Variants in PAPPA2 observed in about 807,000 individuals in gnomAD.
The protein encoded by PAPPA2 is pappalysin 2.
Under a neutral mutation model 176.4 loss-of-function variants are expected in PAPPA2, and 86 were observed. The observed-to-expected ratio is 0.49, with a 90% CI of 0.41 to 0.58. The LOEUF is 0.58. Among genes scored for constraint, PAPPA2 ranks in the 20% least tolerant of loss-of-function variants. The pLI, the probability that PAPPA2 is intolerant of heterozygous loss-of-function variation, is 0.00. For missense variants in PAPPA2, 2,073 were observed against 2,256.9 expected (o/e 0.92, Z 1.65); for synonymous variants, 809 against 852.2 (o/e 0.95, Z 0.88).
At chr1:176,471,677 C>A (rs1387146515) in intron 1 of PAPPA2, among the ~76,000 whole-genome samples, 1 of 152,170 alleles carries the variant, frequency 6.6e-6, no homozygotes, top group Non-Finnish European at 1.5e-5. Flanking sequence ...GTTTTACCAC[C>A]CAAATGACAT....
At chr1:176,687,339 G>T (rs920965470) in intron 4 of PAPPA2, among the ~76,000 whole-genome samples, 2 of 152,270 alleles carry the variant, frequency 1.3e-5, no homozygotes, top group African/African-American at 4.8e-5. Context: ...GAGGGGATTT[G>T]CTGGGAGTGT....
intron 4 of PAPPA2, among the ~76,000 whole-genome samples, chr1:176,674,745 T>C (rs560980232): frequency 1.3e-5 from 2 of 151,810 alleles, no homozygotes; most frequent in Non-Finnish European, 2.9e-5. Context: ...TTTTTTTTTT[T>C]TTTTCTTTTC....
intron 1 of PAPPA2, among the ~76,000 whole-genome samples, chr1:176,491,605 A>G (rs1351318184): frequency 6.6e-6 from 1 of 152,222 alleles, no homozygotes; most frequent in Non-Finnish European, 1.5e-5. Context: ...AAAGGAAGTT[A>G]TTTGAATTGA....
chr1:176,722,419 CTTTTTTTTTTTTT>C (rs34221424), intron 12 of PAPPA2, among the ~76,000 whole-genome samples: 1 of 124,032 alleles, frequency 8.1e-6, no homozygotes, highest in Non-Finnish European at 1.7e-5. Context: ...TATACATTTC[CTTTTTTTTTTTTT>C]TTTTTTTAGT....
intron 14 of PAPPA2, among the ~76,000 whole-genome samples, chr1:176,760,657 C>T (rs879274017): frequency 2.6e-5 from 4 of 152,152 alleles, no homozygotes; most frequent in Admixed American, 2.0e-4. Context: ...CATTCACATA[C>T]ACAACCAACA....
chr1:176,639,808 A>T (rs1656961903), intron 3 of PAPPA2, among the ~76,000 whole-genome samples: 1 of 151,614 alleles, frequency 6.6e-6, no homozygotes, highest in Admixed American at 6.6e-5. Context: ...TCCGGGAGGA[A>T]TGCTGGGTTA....
intron 3 of PAPPA2, among the ~76,000 whole-genome samples, chr1:176,624,480 C>T (rs896078346): frequency 6.6e-6 from 1 of 152,144 alleles, no homozygotes; most frequent in Non-Finnish European, 1.5e-5. Flanking sequence ...TAAATGCATG[C>T]CGATTTTGTC....
chr1:176,794,134 C>G (rs934032722), intron 20 of PAPPA2, among the ~76,000 whole-genome samples: 1 of 152,162 alleles, frequency 6.6e-6, no homozygotes, highest in African/African-American at 2.4e-5. Flanking sequence ...CTTTGTATTC[C>G]TGCCTGACTT....
At chr1:176,524,236 G>A (rs913067945) in intron 1 of PAPPA2, among the ~76,000 whole-genome samples, 6 of 151,854 alleles carry the variant, frequency 4.0e-5, no homozygotes, top group African/African-American at 1.2e-4. Flanking sequence ...AGCCATATAC[G>A]CTGCAGAGTG....
chr1:176,624,600 C>G (rs1456871758), intron 3 of PAPPA2, among the ~76,000 whole-genome samples: 1 of 152,146 alleles, frequency 6.6e-6, no homozygotes, highest in Non-Finnish European at 1.5e-5. Context: ...CCAAACACAT[C>G]AAGCTTCTTC....
chr1:176,513,770 A>G (rs551921997), intron 1 of PAPPA2, among the ~76,000 whole-genome samples: 2 of 152,306 alleles, frequency 1.3e-5, no homozygotes, highest in South Asian at 2.1e-4. Context: ...TCTCATTTAT[A>G]TACTACATCC....
At chr1:176,690,877 T>A (rs1660090637) in intron 5 of PAPPA2, 1 of 987,376 alleles carries the variant, frequency 1.0e-6, no homozygotes. Flanking sequence ...GTGGCTTGGT[T>A]AATTTAGGCT....
chr1:176,619,640 C>T (rs1438566892), intron 3 of PAPPA2, among the ~76,000 whole-genome samples: 1 of 152,174 alleles, frequency 6.6e-6, no homozygotes, highest in African/African-American at 2.4e-5. Flanking sequence ...ATTATTAAAT[C>T]TCTGAACAAG....
intron 17 of PAPPA2, among the ~76,000 whole-genome samples, chr1:176,778,624 A>G (rs1664566559): frequency 1.3e-5 from 2 of 152,208 alleles, no homozygotes. Context: ...TAATCTACCT[A>G]ATTGTTAAGC....
Position 176,488,258 on chromosome 1 carries a change from T to C in PAPPA2, c.-917+24840T>C, listed in dbSNP as rs533134201. ...TAAGTCATTACTCTTATGGATGTTA[T>C]AGCTTTATCCAATAATATATGAATT... On this transcript the variant is annotated intron_variant, in intron 1 of 22. Coordinates refer to ENST00000367662, the MANE Select transcript of PAPPA2 (RefSeq NM_020318.3). Among the ~76,000 whole-genome samples, 6 of 152,278 alleles carry C rather than the reference T, an allele frequency of 3.9e-5. No individual in the cohort carries two copies. In the East Asian group the frequency reaches 1.2e-3, roughly 29 times the overall value.
chr1:176,591,084 T>C (rs930023321), intron 2 of PAPPA2, among the ~76,000 whole-genome samples: 1 of 99,084 alleles, frequency 1.0e-5, no homozygotes, highest in Non-Finnish European at 2.1e-5. Context: ...GTCACACACA[T>C]GCACACACAC....
chr1:176,725,383 C>T (rs141748237), intron 12 of PAPPA2, among the ~76,000 whole-genome samples: 2 of 152,212 alleles, frequency 1.3e-5, no homozygotes, highest in South Asian at 2.1e-4. Context: ...TGCTTTATTT[C>T]CACACCATGA....
chr1:176,579,857 G>GT (rs891285351), intron 2 of PAPPA2, among the ~76,000 whole-genome samples: 1 of 152,142 alleles, frequency 6.6e-6, no homozygotes, highest in Admixed American at 6.5e-5. Context: ...AGAGTGGCAC[G>GT]TGTGCAGCAT....
At chr1:176,747,467 T>A (rs1007986675) in intron 14 of PAPPA2, among the ~76,000 whole-genome samples, 1 of 152,070 alleles carries the variant, frequency 6.6e-6, no homozygotes, top group Non-Finnish European at 1.5e-5. Context: ...AAAGAGAAGT[T>A]TTGACCCAGC....
Sources: allele counts gnomAD v4.1 joint callset (sites outside exome capture counted in the v4.1 genomes callset), GRCh38; gene constraint gnomAD v4.1.1; transcripts MANE v1.5; gene names NCBI Gene and HGNC (gene_info 2026-07-23, HGNC 2026-07-21).